EYS: variants seen among roughly 807,000 people sequenced by gnomAD.
EYS encodes EGF-like photoreceptor maintenance factor.
In EYS, 250 loss-of-function variants were observed where a neutral mutation model predicts 282.1. The observed-to-expected ratio is 0.89, with a 90% CI of 0.80 to 0.98. The LOEUF is 0.98. Among genes scored for constraint, EYS ranks in the 50% least tolerant of loss-of-function variants. The pLI is 0.00. For missense variants in EYS, 4,016 were observed against 3,709.0 expected (o/e 1.08, Z -2.15); for synonymous variants, 1,355 against 1,282.9 (o/e 1.06, Z -1.20).
chr6:64,463,689 G>A (rs1775829420), intron 26 of EYS, among the ~76,000 whole-genome samples: 1 of 152,110 alleles, frequency 6.6e-6, no homozygotes, highest in Non-Finnish European at 1.5e-5. Context: ...CACTATGAAT[G>A]TAAAGTCAAA....
intron 35 of EYS, among the ~76,000 whole-genome samples, chr6:63,972,069 G>A (rs561898925): frequency 1.3e-5 from 2 of 152,270 alleles, no homozygotes; most frequent in East Asian, 3.9e-4. Flanking sequence ...CTATTTCTGA[G>A]AAAGAGAATG....
chr6:64,740,114 T>C (rs1365698714), intron 22 of EYS, among the ~76,000 whole-genome samples: 1 of 152,126 alleles, frequency 6.6e-6, no homozygotes, highest in African/African-American at 2.4e-5. Context: ...AGGAACTTTC[T>C]TCAAGCATTT....
At chr6:64,931,618 A>G (rs1052141222) in intron 15 of EYS, among the ~76,000 whole-genome samples, 1 of 152,134 alleles carries the variant, frequency 6.6e-6, no homozygotes, top group African/African-American at 2.4e-5. Flanking sequence ...TTATCTATGC[A>G]TATATTTTTG....
intron 35 of EYS, among the ~76,000 whole-genome samples, chr6:63,922,388 C>T (rs1278634814): frequency 6.6e-6 from 1 of 152,070 alleles, no homozygotes; most frequent in Non-Finnish European, 1.5e-5. Context: ...CATGGTAAAA[C>T]CCTGTCTCTA....
chr6:64,684,080 T>G (rs1769998906), intron 22 of EYS, among the ~76,000 whole-genome samples: 1 of 152,148 alleles, frequency 6.6e-6, no homozygotes, highest in Non-Finnish European at 1.5e-5. Context: ...TCACCTTCGT[T>G]TCAGAGCCTT....
chr6:63,966,520 G>A (rs964860208), intron 35 of EYS, among the ~76,000 whole-genome samples: 43 of 152,032 alleles, frequency 2.8e-4, no homozygotes, highest in Non-Finnish European at 5.9e-5. Context: ...AAAAAAAACT[G>A]GTTGCTGCTC....
In EYS at chr6:63,783,546, C is replaced by T. The variant is rs561481556; in HGVS notation, c.7723+4559G>A. 2.6e-5 allele frequency among the ~76,000 whole-genome samples: 4 copies of T among 152,224 alleles called. No individual in the cohort carries two copies. In the South Asian group the frequency reaches 8.3e-4, roughly 32 times the overall value. On this transcript the variant is annotated intron_variant, in intron 39 of 42. Transcript: ENST00000503581. ...AAAAATCCTATTCTCCAGAAGCTTACTAAATTCTAAATTAAGACATACATT... is the reference window on the plus strand; with the variant it reads ...AAAAATCCTATTCTCCAGAAGCTTATTAAATTCTAAATTAAGACATACATT...
At chr6:64,390,873 T>A (rs1337806250) in intron 28 of EYS, among the ~76,000 whole-genome samples, 1 of 142,962 alleles carries the variant, frequency 7.0e-6, no homozygotes, top group Non-Finnish European at 1.5e-5. Flanking sequence ...TTGAAAACTT[T>A]GAAAAAAATT....
At chr6:64,474,407 A>G (rs1469148377) in intron 26 of EYS, among the ~76,000 whole-genome samples, 3 of 152,246 alleles carry the variant, frequency 2.0e-5, no homozygotes, top group African/African-American at 7.2e-5. Flanking sequence ...TTCTAGTAGC[A>G]TAAACTCAAC....
At chr6:64,420,158 C>T (rs560385486) in intron 28 of EYS, among the ~76,000 whole-genome samples, 1 of 152,186 alleles carries the variant, frequency 6.6e-6, no homozygotes, top group Admixed American at 6.5e-5. Flanking sequence ...ACAGGCTCAA[C>T]ACCATGTGGA....
At chr6:65,575,843 A>G (rs190995336) in intron 2 of EYS, among the ~76,000 whole-genome samples, 6 of 152,200 alleles carry the variant, frequency 3.9e-5, no homozygotes, top group Non-Finnish European at 8.8e-5. Flanking sequence ...TAACCTAGAT[A>G]AAATGGATAA....
chr6:65,556,745 T>A, intron 2 of EYS, among the ~76,000 whole-genome samples: 1 of 152,148 alleles, frequency 6.6e-6, no homozygotes, highest in Non-Finnish European at 1.5e-5. Context: ...TTTTTTCAGG[T>A]GTACCTTGAC....
At chr6:65,010,299 G>T (rs1220753687) in intron 13 of EYS, among the ~76,000 whole-genome samples, 8 of 152,138 alleles carry the variant, frequency 5.3e-5, no homozygotes, top group Non-Finnish European at 1.0e-4. Context: ...ATAATACAGG[G>T]ATCTTACTGT....
At chr6:64,954,366 C>T (rs1769619092) in intron 14 of EYS, among the ~76,000 whole-genome samples, 1 of 151,954 alleles carries the variant, frequency 6.6e-6, no homozygotes, top group African/African-American at 2.4e-5. Flanking sequence ...TTGATGTGTA[C>T]TGCTCAAACA....
intron 22 of EYS, among the ~76,000 whole-genome samples, chr6:64,732,712 A>G (rs538823745): frequency 6.6e-6 from 1 of 150,796 alleles, no homozygotes; most frequent in African/African-American, 2.4e-5. Context: ...CAGATACCTC[A>G]GGGATCAGGC....
chr6:63,892,301 G>A (rs559670819), intron 35 of EYS, among the ~76,000 whole-genome samples: 147 of 152,236 alleles, frequency 9.7e-4, no homozygotes, highest in African/African-American at 3.3e-3. Flanking sequence ...AACAAAGCTG[G>A]AGGCATCACA....
intron 26 of EYS, among the ~76,000 whole-genome samples, chr6:64,491,716 T>C (rs1235965688): frequency 2.0e-5 from 3 of 150,996 alleles, no homozygotes; most frequent in Admixed American, 6.6e-5. Context: ...ATAACACATA[T>C]AGTGTTTCAA....
chr6:65,443,354 A>G lies in EYS; in HGVS notation c.863-37987T>C, dbSNP rs534222254. 5.7e-3 allele frequency among the ~76,000 whole-genome samples: 749 copies of G among 132,184 alleles called. 65 individuals are homozygous for G. Among genetic ancestry groups the G allele is most frequent in the African/African-American group, 0.016 (646 of 40,182 alleles). The allele number at this position is 132,184 out of a possible 152,430, so 86.7% of individuals were successfully genotyped here. On this transcript the variant is annotated intron_variant, in intron 5 of 42. Transcript: ENST00000503581. ...TACATGTATGTACACATATAGACAT[A>G]TATGCATACATGTATGTACACATAT...
At chr6:64,296,609 T>A (rs1769036076) in intron 30 of EYS, among the ~76,000 whole-genome samples, 1 of 11,676 alleles carries the variant, frequency 8.6e-5, no homozygotes, top group African/African-American at 2.1e-4. Flanking sequence ...TTTTTTTTTT[T>A]TTTTTTTTTT....
Sources: allele counts gnomAD v4.1 joint callset (sites outside exome capture counted in the v4.1 genomes callset), GRCh38; gene constraint gnomAD v4.1.1; transcripts MANE v1.5; gene names NCBI Gene and HGNC (gene_info 2026-07-23, HGNC 2026-07-21).